Variants in TNRC18 observed in about 807,000 individuals in gnomAD.
TNRC18 encodes trinucleotide repeat containing 18.
In TNRC18, 69 loss-of-function variants were observed where a neutral mutation model predicts 226.7. That is an observed-to-expected ratio of 0.30 (90% confidence interval 0.25 to 0.37). The LOEUF is 0.37. Ranked by LOEUF, TNRC18 falls within the 10% of genes least tolerant of loss-of-function variation. TNRC18 has a pLI of 1.00. For missense variants in TNRC18, 4,754 were observed against 4,256.6 expected, an observed-to-expected ratio of 1.12 and a Z score of -3.25; for synonymous variants, 2,449 against 1,927.6, an observed-to-expected ratio of 1.27 and a Z score of -7.09.
At chr7:5,406,550 A>T (rs1018260064) in intron 2 of TNRC18, among the ~76,000 whole-genome samples, 1 of 151,350 alleles carries the variant, frequency 6.6e-6, no homozygotes, top group African/African-American at 2.4e-5. Context: ...ATTCACAGAG[A>T]CAGAAAGCAG....
chr7:5,366,634 T>C (rs923414120), intron 11 of TNRC18, among the ~76,000 whole-genome samples: 7 of 152,128 alleles, frequency 4.6e-5, no homozygotes, highest in African/African-American at 1.7e-4. Flanking sequence ...GCTCTTCTTA[T>C]ATCTTTAGGG....
At chr7:5,328,539 C>T (rs1479436835) in intron 19 of TNRC18, among the ~76,000 whole-genome samples, 12 of 150,694 alleles carry the variant, frequency 8.0e-5, no homozygotes, top group Non-Finnish European at 1.8e-4. Flanking sequence ...GACAGAGTCT[C>T]GCTCTGCCAC....
At chr7:5,319,376 T>C (rs1322235320) in intron 24 of TNRC18, among the ~76,000 whole-genome samples, 8 of 152,092 alleles carry the variant, frequency 5.3e-5, no homozygotes, top group African/African-American at 1.9e-4. Context: ...CTAATCCACA[T>C]CCATACCCCC....
intron 18 of TNRC18, among the ~76,000 whole-genome samples, chr7:5,336,534 G>C (rs1402481523): frequency 6.6e-6 from 1 of 151,806 alleles, no homozygotes; most frequent in Non-Finnish European, 1.5e-5. Context: ...CTGAGGTCAA[G>C]AGTTCAAGAC....
At chr7:5,310,646 C>T (rs753991889) in intron 27 of TNRC18, among the ~76,000 whole-genome samples, 1 of 151,878 alleles carries the variant, frequency 6.6e-6, no homozygotes, top group Non-Finnish European at 1.5e-5. Context: ...GTGATCCTCC[C>T]GCCTGGGCCT....
At position 5,389,283 on chromosome 7, in the gene TNRC18, G is replaced by C; in HGVS notation, c.541C>G (p.Pro181Ala). 7.8e-7 allele frequency: 1 copy of C among 1,290,108 alleles called. No individual in the cohort carries two copies. The highest frequency in any genetic ancestry group is 2.5e-5 in the South Asian group (1 of 40,612). The allele number at this position is 1,290,108 out of a possible 1,614,324, so 79.9% of individuals were successfully genotyped here. Residue 181 changes from proline (P) to alanine (A), a missense_variant, in exon 5 of 30, where the codon CCC (proline) becomes GCC (alanine). Pro to Ala is a conservative substitution (Grantham distance 27, BLOSUM62 -1). Coordinates refer to ENST00000430969, the MANE Select transcript of TNRC18 (RefSeq NM_001080495.3). ...CCGCCGCCAGGGGTCCGGGCCGAGG[G>C]CGCGTGAGAGTGCAGGGAGCCCGGA... ...GAPGSLHSHA[P>A]SARTPGGGHS... is the part of the protein sequence containing the mutation.
chr7:5,420,210 G>C, intron 2 of TNRC18: 8 of 350,302 alleles, frequency 2.3e-5, no homozygotes, highest in South Asian at 1.7e-4. Context: ...TGGGCAGCCC[G>C]TCTCGGGAAA....
In TNRC18 at chr7:5,361,631, G is replaced by C; in HGVS notation, c.4624C>G (p.Pro1542Ala). The stretch of plus-strand genomic sequence containing the variant: ...TGGCCGCTCTTCCCTCTCTTGCGGG[G>C]GGGCGACAGGGCGCTCGGGGCGTGG... ...RTHAPSALSP[P>A]RKRGKSGHSS... The change falls in exon 14 of 30, where the codon CCC becomes GCC. Residue 1542 changes from proline (P) to alanine (A), a missense_variant. By Grantham distance (27) the Pro-to-Ala change is conservative (BLOSUM62 -1). Transcript: ENST00000430969. 1 of 1,547,822 alleles carries C rather than the reference G, an allele frequency of 6.5e-7. No individual in the cohort carries two copies. The highest frequency in any genetic ancestry group is 8.7e-7 in the Non-Finnish European group (1 of 1,147,900).
At chr7:5,347,402 T>C (rs1352692106) in intron 17 of TNRC18, among the ~76,000 whole-genome samples, 1 of 150,304 alleles carries the variant, frequency 6.7e-6, no homozygotes, top group Non-Finnish European at 1.5e-5. Flanking sequence ...TTCACCGTGT[T>C]AGCCAGGATG....
At chr7:5,344,771 A>G (rs1228508810) in intron 18 of TNRC18, among the ~76,000 whole-genome samples, 1 of 152,148 alleles carries the variant, frequency 6.6e-6, no homozygotes, top group African/African-American at 2.4e-5. Context: ...CATCTCCGGC[A>G]CTGACCCCAG....
chr7:5,385,010 C>T (rs965453270), intron 5 of TNRC18, among the ~76,000 whole-genome samples: 1 of 152,248 alleles, frequency 6.6e-6, no homozygotes, highest in African/African-American at 2.4e-5. Flanking sequence ...GGGCCGTCCC[C>T]GGAAGGCAGG....
Position 5,359,440 on chromosome 7 carries a change from C to G in TNRC18, c.4791G>C (p.Gln1597His), listed in dbSNP as rs762751516. Residue 1597 changes from glutamine (Q) to histidine (H), a missense_variant, in exon 15 of 30, where the codon CAG becomes CAC. Gln to His is a conservative substitution (Grantham distance 24, BLOSUM62 0). Coordinates refer to ENST00000430969, the MANE Select transcript of TNRC18 (RefSeq NM_001080495.3). ...ACGAGGCCTCATGTTCATCCCAAGT[C>G]TGGTTCCTCCCCCTGGCTTTCCCCA... ...IGMGKARGRN[Q>H]TWDEHEASSD... 1 of 1,613,958 alleles carries G rather than the reference C, an allele frequency of 6.2e-7. No individual in the cohort carries two copies. The highest frequency in any genetic ancestry group is 1.3e-5 in the African/African-American group (1 of 74,950).
intron 24 of TNRC18, 146 bp from the exon 25 acceptor site, chr7:5,316,218 G>A: frequency 4.0e-6 from 2 of 500,600 alleles, no homozygotes; most frequent in Non-Finnish European, 6.9e-6. Context: ...GGTATACAGC[G>A]GCTCAGAATG....
In TNRC18 at chr7:5,315,984, G is replaced by A. The variant is rs1787806032; in HGVS notation, c.6834C>T (p.Arg2278=). The change falls in exon 25 of 30, where the codon CGC becomes CGT. Residue 2278 remains arginine, a synonymous_variant. Coordinates refer to ENST00000430969, the MANE Select transcript of TNRC18 (RefSeq NM_001080495.3). ...DTGRIPLSHI[R]LLPPDYKIQC... ...GTATCTTATAGTCAGGGGGCAGGAGGCGGATATGTGAGAGGGGGATCCTGC... is the reference window on the plus strand; with the variant it reads ...GTATCTTATAGTCAGGGGGCAGGAGACGGATATGTGAGAGGGGGATCCTGC... 1.3e-6 allele frequency: 2 copies of A among 1,599,374 alleles called. No individual in the cohort carries two copies. Among genetic ancestry groups the A allele is most frequent in the Non-Finnish European group, 1.7e-6 (2 of 1,173,552 alleles).
chr7:5,341,397 C>T lies in TNRC18; in HGVS notation c.5719+4165G>A, dbSNP rs761039588. On this transcript the variant is annotated intron_variant, in intron 18 of 29. Transcript: ENST00000430969. ...TCACGCCACTGCACTCCAGCCTGGG[C>T]GACAAAGCAAGACTCCATCTCAAAA... Among the ~76,000 whole-genome samples, 161 of 124,206 alleles carry T rather than the reference C, an allele frequency of 1.3e-3. 2 individuals carry two copies. Among genetic ancestry groups the T allele is most frequent in the Middle Eastern group, 5.9e-3 (1 of 170 alleles). 81.5% of individuals were successfully genotyped at this position (124,206 alleles called of 152,430 possible). A position where few individuals can be genotyped will look rare whatever the true frequency, so the allele number is the denominator to read the frequency against.
rs1255351767 is a variant in TNRC18, at chr7:5,357,057, C to T, written c.5053G>A (p.Gly1685Ser). 1.2e-5 allele frequency: 19 copies of T among 1,552,046 alleles called. No homozygotes were observed. The highest frequency in any genetic ancestry group is 1.6e-5 in the Non-Finnish European group (18 of 1,147,116). ...TCTCTGGAGGATTTCAGAGACAGGC[C>T]GAGGCCCTTGGCCAGCGCCTTCCTG... ...KNRKALAKGL[G>S]LSLKSSREGK... The change falls in exon 16 of 30, where the codon GGC becomes AGC. Residue 1685 changes from glycine (G) to serine (S), a missense_variant. Physicochemically the swap from Gly to Ser is moderately conservative, Grantham distance 56. Coordinates refer to ENST00000430969, the MANE Select transcript of TNRC18 (RefSeq NM_001080495.3).
Position 5,357,248 on chromosome 7 carries a change from C to A in TNRC18, c.4862G>T (p.Ser1621Ile). The A allele has an allele frequency of 6.2e-7, 1 of 1,612,130 alleles. No homozygotes were observed. Among genetic ancestry groups the A allele is most frequent in the Non-Finnish European group, 8.5e-7 (1 of 1,179,228 alleles). ...CTTGCTTGCCAACTGCTCCTGGTCG[C>A]TGGCCATCTTCTTCTTCTTAATCTT... ...QLKIKKKKMA[S>I]DQEQLASKLD... Residue 1621 changes from serine to isoleucine, a missense_variant, in exon 16 of 30, where the codon AGC (serine) becomes ATC (isoleucine). Physicochemically the swap from Ser to Ile is moderately radical, Grantham distance 142. Coordinates refer to ENST00000430969, the MANE Select transcript of TNRC18 (RefSeq NM_001080495.3).
chr7:5,393,459 A>G (rs1440296932), intron 3 of TNRC18, among the ~76,000 whole-genome samples: 3 of 152,240 alleles, frequency 2.0e-5, no homozygotes, highest in African/African-American at 7.2e-5. Context: ...TGAACACAGC[A>G]GCCGCAGGAT....
intron 5 of TNRC18, among the ~76,000 whole-genome samples, chr7:5,386,768 T>A (rs140487386): frequency 2.4e-4 from 37 of 151,994 alleles, no homozygotes; most frequent in African/African-American, 8.2e-4. Flanking sequence ...AATAATAATT[T>A]ATAAACTAAA....
Sources: gnomAD v4.1 joint callset for allele counts (sites outside exome capture counted in the v4.1 genomes callset) on GRCh38, gnomAD v4.1.1 for gene constraint, MANE v1.5 for transcripts, NCBI Gene and HGNC (gene_info 2026-07-23, HGNC 2026-07-21) for gene names.